The following GPM6B variants were observed in gnomAD, a reference collection of about 807,000 sequenced individuals.
GPM6B encodes neuronal membrane glycoprotein M6-b.
Under a neutral mutation model 27.2 loss-of-function variants are expected in GPM6B, and 4 were observed. The observed-to-expected ratio is 0.15, with a 90% CI of 0.07 to 0.34. GPM6B has a LOEUF of 0.34. Ranked by LOEUF, GPM6B falls within the 10% of genes least tolerant of loss-of-function variation. The pLI, the probability that GPM6B is intolerant of heterozygous loss-of-function variation, is 1.00. For synonymous variants in GPM6B, 124 were observed against 103.1 expected, an observed-to-expected ratio of 1.20 and a Z score of -1.23; for missense variants, 183 against 261.9, an observed-to-expected ratio of 0.70 and a Z score of 2.08.
intron 4 of GPM6B, among the ~76,000 whole-genome samples, chrX:13,780,215 A>G (rs1364885533): frequency 9.0e-6 from 1 of 111,589 alleles, no homozygotes; most frequent in Non-Finnish European, 1.9e-5. Flanking sequence ...GAGTGCCCGA[A>G]GCAATGTCAG....
chrX:13,922,803 C>A (rs1603142299), intron 1 of GPM6B, among the ~76,000 whole-genome samples: 1 of 112,371 alleles, frequency 8.9e-6, no homozygotes, highest in Middle Eastern at 4.6e-3. Context: ...AGACCACCCC[C>A]AAGACAGAAA....
At position 13,772,162 on chromosome X, in the gene GPM6B, G is replaced by GT. The variant is rs1330681156; in HGVS notation, c.*718dup. ...CTCAAGAATAATGAAAATTGGATCA[G>GT]TATTTTGTTAAAATGAAATCTGTTA... On this transcript the variant is annotated 3_prime_UTR_variant, in exon 8 of 8. Coordinates refer to ENST00000316715, the MANE Select transcript of GPM6B (RefSeq NM_001001995.3). The GT allele has an allele frequency of 1.8e-5, 2 of 112,607 alleles. No homozygotes were observed. Among genetic ancestry groups the GT allele is most frequent in the Admixed American group, 1.9e-4 (2 of 10,616 alleles). The allele number at this position is 112,607 out of a possible 1,213,427, so 9.3% of individuals were successfully genotyped here.
At chrX:13,844,860 A>G (rs889452864) in intron 1 of GPM6B, among the ~76,000 whole-genome samples, 1 of 112,474 alleles carries the variant, frequency 8.9e-6, no homozygotes, top group Non-Finnish European at 1.9e-5. Context: ...AAAACAGAAA[A>G]GACAATTCAT....
In GPM6B at chrX:13,776,133, A is replaced by AGAATCATTG. The variant is rs752748207; in HGVS notation, c.837+96_837+104dup. 69 of 633,493 alleles carry AGAATCATTG rather than the reference A, an allele frequency of 1.1e-4. No homozygotes were observed. In the African/African-American group the frequency reaches 1.3e-3, roughly 12 times the overall value. 52.2% of individuals were successfully genotyped at this position (633,493 alleles called of 1,213,427 possible). A position where few individuals can be genotyped will look rare whatever the true frequency, so the allele number is the denominator to read the frequency against. On this transcript the variant is annotated intron_variant, in intron 7 of 7. Coordinates refer to ENST00000316715, the MANE Select transcript of GPM6B (RefSeq NM_001001995.3). ...CGCCAGTTAACCAAGGTTGAGTGCC[A>AGAATCATTG]GAATCATTGGCTTCAATAGGCTGGT...
intron 1 of GPM6B, among the ~76,000 whole-genome samples, chrX:13,873,005 A>T (rs962729271): frequency 1.8e-5 from 2 of 111,118 alleles, no homozygotes; most frequent in South Asian, 7.7e-4. Flanking sequence ...TGAATGAGAG[A>T]GTGATGATAA....
At chrX:13,846,275 ACTT>A (rs1468475696) in intron 1 of GPM6B, among the ~76,000 whole-genome samples, 26 of 110,405 alleles carry the variant, frequency 2.4e-4, no homozygotes, top group African/African-American at 8.6e-4. Context: ...TCAGTTGTCT[ACTT>A]CTGATCTGTG....
chrX:13,927,297 T>C (rs1181000278), intron 1 of GPM6B, among the ~76,000 whole-genome samples: 1 of 112,736 alleles, frequency 8.9e-6, no homozygotes, highest in Admixed American at 9.3e-5. Flanking sequence ...AGAGTATAAA[T>C]TGATACCACC....
chrX:13,923,180 A>G (rs867657570), intron 1 of GPM6B, among the ~76,000 whole-genome samples: 2,680 of 108,296 alleles, frequency 0.025, 95 homozygotes, highest in African/African-American at 0.087. Flanking sequence ...CCGTCTCAGA[A>G]AAAAAAAAAA....
Position 13,792,079 on chromosome X carries a change from G to A in GPM6B, c.182-6271C>T, listed in dbSNP as rs762443811. On this transcript the variant is annotated intron_variant, in intron 2 of 7. Transcript: ENST00000316715. ...CAAGCAATGGGAAAATGGAGAGGGC[G>A]AAAATCCTAAGAGAAGCAGCAGTGA... is the stretch of plus-strand genomic sequence containing the variant. 7.8e-4 allele frequency among the ~76,000 whole-genome samples: 88 copies of A among 112,275 alleles called. 1 individual carries two copies. Among genetic ancestry groups the A allele is most frequent in the African/African-American group, 2.7e-3 (85 of 30,914 alleles).
intron 1 of GPM6B, among the ~76,000 whole-genome samples, chrX:13,925,713 C>A (rs925558350): frequency 1.8e-5 from 2 of 110,896 alleles, no homozygotes; most frequent in African/African-American, 6.6e-5. Flanking sequence ...AAGAGATATA[C>A]CATATACACA....
At chrX:13,815,991 G>T (rs924815292) in intron 1 of GPM6B, among the ~76,000 whole-genome samples, 2 of 111,962 alleles carry the variant, frequency 1.8e-5, no homozygotes, top group Admixed American at 1.9e-4. Flanking sequence ...CTATGACTTT[G>T]AGTGAGGGAA....
intron 1 of GPM6B, among the ~76,000 whole-genome samples, chrX:13,875,666 G>T (rs1163396816): frequency 8.9e-6 from 1 of 112,213 alleles, no homozygotes; most frequent in Non-Finnish European, 1.9e-5. Flanking sequence ...TGATCTATCT[G>T]TACAATGGAA....
intron 1 of GPM6B, among the ~76,000 whole-genome samples, chrX:13,931,306 G>A (rs1216225756): frequency 9.1e-6 from 1 of 110,408 alleles, no homozygotes; most frequent in Non-Finnish European, 1.9e-5. Context: ...GGCTATCATG[G>A]TGAAACCCCA....
chrX:13,794,092 G>A (rs991167960), intron 2 of GPM6B, among the ~76,000 whole-genome samples: 2 of 111,744 alleles, frequency 1.8e-5, no homozygotes, highest in African/African-American at 6.5e-5. Flanking sequence ...ACAAAGGCAG[G>A]GTTGAGTTGT....
intron 1 of GPM6B, among the ~76,000 whole-genome samples, chrX:13,902,777 A>G (rs184984652): frequency 1.8e-5 from 2 of 111,814 alleles, no homozygotes; most frequent in East Asian, 2.8e-4. Context: ...GGCAATTCCA[A>G]TGACAGTTAC....
chrX:13,777,703 G>A (rs1410881473), intron 5 of GPM6B, among the ~76,000 whole-genome samples: 7 of 112,403 alleles, frequency 6.2e-5, no homozygotes, highest in African/African-American at 2.3e-4. Context: ...TTCACATTTG[G>A]AAGTTCATAT....
intron 1 of GPM6B, among the ~76,000 whole-genome samples, chrX:13,852,866 A>C (rs2049735417): frequency 9.4e-6 from 1 of 106,761 alleles, no homozygotes. Flanking sequence ...CTTGACCTTC[A>C]AACTCCTGGG....
chrX:13,911,921 G>A (rs1365112438), intron 1 of GPM6B, among the ~76,000 whole-genome samples: 1 of 112,218 alleles, frequency 8.9e-6, no homozygotes, highest in Non-Finnish European at 1.9e-5. Context: ...CTACCAAAGT[G>A]TTGGAAAACA....
chrX:13,909,120 CTTTTTTTTTTT>C lies in GPM6B; in HGVS notation c.-198+29196_-198+29206del, dbSNP rs368081524. ...TCTAATCTGCCCTATTGTTCATATC[CTTTTTTTTTTT>C]TTTTTTTTTTTGGAGACAGTCTCAC... On this transcript the variant is annotated intron_variant, in intron 1 of 6. Coordinates refer to the GPM6B transcript ENST00000398361. 1.9e-4 allele frequency among the ~76,000 whole-genome samples: 13 copies of C among 69,833 alleles called. No homozygotes were observed. In the Admixed American group the frequency reaches 2.5e-3, roughly 14 times the overall value. The allele number at this position is 69,833 out of a possible 115,157, so 60.6% of individuals were successfully genotyped here. A position where few individuals can be genotyped will look rare whatever the true frequency, so the allele number is the denominator to read the frequency against.
Sources: allele counts gnomAD v4.1 joint callset (sites outside exome capture counted in the v4.1 genomes callset), GRCh38; gene constraint gnomAD v4.1.1; transcripts MANE v1.5; gene names NCBI Gene and HGNC (gene_info 2026-07-23, HGNC 2026-07-21).